The following FXR1 variants were observed in gnomAD, a reference collection of about 807,000 sequenced individuals.
FXR1 encodes the protein RNA-binding protein FXR1.
A neutral mutation model predicts 84.0 loss-of-function variants in FXR1; 15 were observed. The ratio of observed to expected loss-of-function variants is 0.18; its 90% confidence interval spans 0.12 to 0.27. FXR1 has a LOEUF of 0.27. Ranked by LOEUF, FXR1 falls within the 10% of genes least tolerant of loss-of-function variation. The probability of loss-of-function intolerance (pLI) is 1.00; values close to 1 mark genes in which losing one functional copy is unlikely to be tolerated. For synonymous variants in FXR1, 245 were observed against 250.7 expected, an observed-to-expected ratio of 0.98 and a Z score of 0.21; for missense variants, 480 against 774.4, an observed-to-expected ratio of 0.62 and a Z score of 4.51.
chr3:180,973,628 A>G lies in FXR1; in HGVS notation c.1604-1685A>G, dbSNP rs554660280. Among the ~76,000 whole-genome samples, 3 of 152,356 alleles carry G rather than the reference A, an allele frequency of 2.0e-5. No homozygotes were observed. The East Asian group carries it at 5.8e-4, about 29-fold the overall frequency. ...AACTCTTTTTAATGTAGTTATAAAT[A>G]TATTAGCAATGAATTTAAATAATTT... On this transcript the variant is annotated intron_variant, in intron 15 of 16. Coordinates refer to ENST00000357559, the MANE Select transcript of FXR1 (RefSeq NM_005087.4).
intron 3 of FXR1, among the ~76,000 whole-genome samples, chr3:180,941,631 A>G (rs945740186): frequency 1.3e-5 from 2 of 152,228 alleles, no homozygotes; most frequent in African/African-American, 4.8e-5. Flanking sequence ...TACCAAGACC[A>G]TTGTTAGTCT....
At position 180,962,870 on chromosome 3, in the gene FXR1, G is replaced by GT; in HGVS notation, c.1078-9dup. 1 of 1,568,524 alleles carries GT rather than the reference G, an allele frequency of 6.4e-7. No individual in the cohort carries two copies. The highest frequency in any genetic ancestry group is 8.7e-7 in the Non-Finnish European group (1 of 1,145,834). On this transcript the variant is annotated splice_polypyrimidine_tract_variant and intron_variant, in intron 11 of 16. Coordinates refer to ENST00000357559, the MANE Select transcript of FXR1 (RefSeq NM_005087.4). ...TATATAAGAAGACTTACTCTTTTTT[G>GT]TTTTGATTGTAGGAAGTAGAACAGC...
intron 1 of FXR1, among the ~76,000 whole-genome samples, chr3:180,913,189 C>T (rs1283250383): frequency 6.6e-6 from 1 of 152,218 alleles, no homozygotes; most frequent in African/African-American, 2.4e-5. Context: ...CTCCCCACCC[C>T]TTGGGGCGGG....
chr3:180,962,820 TA>T, intron 11 of FXR1, 62 bp from the exon 12 acceptor site: 1 of 1,099,758 alleles, frequency 9.1e-7, no homozygotes, highest in South Asian at 1.3e-5. Flanking sequence ...GCTTTAGCTT[TA>T]GGCTTTAGGA....
Position 180,975,346 on chromosome 3 carries a change from C to A in FXR1, c.1637C>A (p.Ser546Tyr). 1 of 1,547,468 alleles carries A rather than the reference C, an allele frequency of 6.5e-7. No homozygotes were observed. The highest frequency in any genetic ancestry group is 8.9e-7 in the Non-Finnish European group (1 of 1,129,298). The part of the protein sequence containing the change: ...TVADYISRAE[S>Y]QSRQRNLPRE... ...GCAGATTATATTTCTAGAGCTGAGT[C>A]TCAGAGCAGACAAAGAAACCTCCCA... Residue 546 changes from serine to tyrosine, a missense_variant, in exon 16 of 17, where the codon TCT becomes TAT. By Grantham distance (144) the Ser-to-Tyr change is moderately radical. Transcript: ENST00000357559.
At chr3:180,935,063 A>T (rs2108446072) in intron 2 of FXR1, 75 bp from the exon 3 acceptor site, 3 of 669,918 alleles carry the variant, frequency 4.5e-6, no homozygotes, top group South Asian at 1.9e-5. Flanking sequence ...TGATAAACTA[A>T]CTTGAAAAAA....
At chr3:180,962,638 A>G (rs1186463243) in intron 11 of FXR1, among the ~76,000 whole-genome samples, 1 of 152,140 alleles carries the variant, frequency 6.6e-6, no homozygotes, top group Non-Finnish European at 1.5e-5. Context: ...GATTGGGGAG[A>G]GTCCATGTCT....
At chr3:180,933,768 G>T (rs1181359308) in intron 2 of FXR1, among the ~76,000 whole-genome samples, 2 of 152,168 alleles carry the variant, frequency 1.3e-5, no homozygotes, top group African/African-American at 4.8e-5. Context: ...GGGGTATGCA[G>T]TCTAAAAATG....
intron 16 of FXR1, 88 bp from the exon 17 acceptor site, chr3:180,976,034 T>C (rs1166863432): frequency 1.0e-6 from 1 of 960,094 alleles, no homozygotes; most frequent in Non-Finnish European, 1.6e-6. Context: ...AATTTTTAAT[T>C]AGCTAATTAG....
intron 3 of FXR1, among the ~76,000 whole-genome samples, chr3:180,939,231 T>C (rs1383093648): frequency 6.6e-6 from 1 of 152,170 alleles, no homozygotes; most frequent in Non-Finnish European, 1.5e-5. Flanking sequence ...TACATCTGCT[T>C]CCCTGCACTA....
intron 11 of FXR1, among the ~76,000 whole-genome samples, chr3:180,962,166 A>C (rs1712205514): frequency 6.6e-6 from 1 of 152,118 alleles, no homozygotes; most frequent in East Asian, 1.9e-4. Flanking sequence ...TTTCTTTTTA[A>C]AGTATAATAA....
rs1380016305 is a variant in FXR1 at position 180,935,180 on chromosome 3, A to G, written c.147A>G (p.Leu49=). 6.3e-7 allele frequency: 1 copy of G among 1,578,882 alleles called. No homozygotes were observed. Among genetic ancestry groups the G allele is most frequent in the Admixed American group, 1.7e-5 (1 of 59,916 alleles). Residue 49 remains leucine, a synonymous_variant, in exon 3 of 17, where the codon TTA becomes TTG. Transcript: ENST00000357559. ...AGGTTCCATTTAATGAAGTTAGATT[A>G]CCACCACCACCTGATATAAAAAAAG... The part of the protein sequence containing the change: ...ERQVPFNEVR[L]PPPPDIKKEI...
At chr3:180,945,699 C>T (rs768845660) in intron 3 of FXR1, among the ~76,000 whole-genome samples, 2 of 152,294 alleles carry the variant, frequency 1.3e-5, no homozygotes, top group African/African-American at 2.4e-5. Context: ...TGTAAGCCAC[C>T]GTGCCTGACC....
At chr3:180,974,779 T>G (rs1714018593) in intron 15 of FXR1, among the ~76,000 whole-genome samples, 1 of 151,948 alleles carries the variant, frequency 6.6e-6, no homozygotes, top group African/African-American at 2.4e-5. Context: ...GTTTCTAGTG[T>G]GAAACGTTAA....
At chr3:180,946,885 C>T (rs994037273) in intron 3 of FXR1, among the ~76,000 whole-genome samples, 2 of 152,120 alleles carry the variant, frequency 1.3e-5, no homozygotes, top group African/African-American at 4.8e-5. Context: ...TTCTTCTCAG[C>T]CCCCCTTTTC....
At chr3:180,914,790 G>T in intron 1 of FXR1, 1 of 980,202 alleles carries the variant, frequency 1.0e-6, no homozygotes, top group Non-Finnish European at 1.2e-6. Flanking sequence ...AAAGTGAGTT[G>T]GTACTTTGAC....
At chr3:180,958,719 A>G (rs1560011410) in intron 10 of FXR1, among the ~76,000 whole-genome samples, 1 of 151,534 alleles carries the variant, frequency 6.6e-6, no homozygotes, top group Admixed American at 6.6e-5. Flanking sequence ...CTCCTTAACT[A>G]TTTTATAGAA....
At chr3:180,914,833 T>G (rs1054093697) in intron 1 of FXR1, 13 of 984,944 alleles carry the variant, frequency 1.3e-5, no homozygotes, top group Non-Finnish European at 1.4e-5. Flanking sequence ...CACCTGTGTG[T>G]GCACTGAAAT....
At position 180,978,982 on chromosome 3, in the gene FXR1, C is replaced by G. The variant is rs891570171; in HGVS notation, c.*2690C>G. 1.3e-5 allele frequency: 2 copies of G among 152,042 alleles called. No individual in the cohort carries two copies. Among genetic ancestry groups the G allele is most frequent in the Non-Finnish European group, 2.9e-5 (2 of 67,948 alleles). 9.4% of individuals were successfully genotyped at this position (152,042 alleles called of 1,614,324 possible). On this transcript the variant is annotated 3_prime_UTR_variant, in exon 17 of 17. Coordinates refer to ENST00000357559, the MANE Select transcript of FXR1 (RefSeq NM_005087.4). ...TTGGCAAAAGTGTAATAGGAATACA[C>G]AAATCTTTATTTTGAAATAATCTTG... is the stretch of plus-strand genomic sequence containing the variant.
Sources: allele counts gnomAD v4.1 joint callset (sites outside exome capture counted in the v4.1 genomes callset), GRCh38; gene constraint gnomAD v4.1.1; transcripts MANE v1.5; gene names NCBI Gene and HGNC (gene_info 2026-07-23, HGNC 2026-07-21).